Variants in HEMK2 observed in about 807,000 individuals in gnomAD.
HEMK2 encodes methyltransferase HEMK2.
At chr21:28,621,218 C>A in the HEMK2 span, among the ~76,000 whole-genome samples, 3 of 152,142 alleles carry the variant, frequency 2.0e-5, no homozygotes, top group African/African-American at 7.2e-5. Flanking sequence ...ATAAATTTCC[C>A]TCTAAACACT....
At chr21:28,697,921 G>A in the HEMK2 span, among the ~76,000 whole-genome samples, 1 of 152,124 alleles carries the variant, frequency 6.6e-6, no homozygotes, top group Non-Finnish European at 1.5e-5. Context: ...CAGTTCTGGA[G>A]GCTGGAAGTC....
At chr21:28,659,689 A>C in the HEMK2 span, among the ~76,000 whole-genome samples, 1 of 152,102 alleles carries the variant, frequency 6.6e-6, no homozygotes, top group Non-Finnish European at 1.5e-5. Context: ...TCTCATGCTT[A>C]GCCCAAAGGA....
At chr21:28,649,827 G>A in the HEMK2 span, among the ~76,000 whole-genome samples, 1 of 150,868 alleles carries the variant, frequency 6.6e-6, no homozygotes, top group Non-Finnish European at 1.5e-5. Context: ...TCAAGGCAAA[G>A]GAAACAGCTC....
the HEMK2 span, chr21:28,885,300 G>A: frequency 1.3e-6 from 2 of 1,589,366 alleles, no homozygotes; most frequent in South Asian, 2.2e-5. Flanking sequence ...AAGGCGCCGC[G>A]GCCCACGTGC....
At chr21:28,813,399 T>C in the HEMK2 span, among the ~76,000 whole-genome samples, 2 of 152,230 alleles carry the variant, frequency 1.3e-5, no homozygotes, top group South Asian at 4.2e-4. Flanking sequence ...TTACAAGGGA[T>C]GTGAACCAAT....
the HEMK2 span, among the ~76,000 whole-genome samples, chr21:28,685,833 A>G: frequency 6.6e-6 from 1 of 152,164 alleles, no homozygotes; most frequent in African/African-American, 2.4e-5. Flanking sequence ...AAACAGAAAC[A>G]GGGAATTGGT....
the HEMK2 span, among the ~76,000 whole-genome samples, chr21:28,747,272 G>A: frequency 6.6e-6 from 1 of 152,202 alleles, no homozygotes; most frequent in Non-Finnish European, 1.5e-5. Flanking sequence ...CCGGATGGAG[G>A]AGCCCATTCT....
the HEMK2 span, among the ~76,000 whole-genome samples, chr21:28,609,598 C>T: frequency 0.023 from 3,170 of 135,470 alleles, 147 homozygotes; most frequent in African/African-American, 0.083. Context: ...AGAAGGTTGA[C>T]TATTAAGCCA....
chr21:28,853,213 TC>T, the HEMK2 span, among the ~76,000 whole-genome samples: 1 of 152,306 alleles, frequency 6.6e-6, no homozygotes, highest in East Asian at 1.9e-4. Flanking sequence ...AGCCTTTGGA[TC>T]CCTTTCTTTA....
the HEMK2 span, among the ~76,000 whole-genome samples, chr21:28,794,735 C>A: frequency 6.6e-6 from 1 of 152,164 alleles, no homozygotes; most frequent in Admixed American, 6.5e-5. Context: ...GACAAATAAC[C>A]ACTGAAGAAC....
At chr21:28,661,861 A>G in the HEMK2 span, among the ~76,000 whole-genome samples, 1 of 152,200 alleles carries the variant, frequency 6.6e-6, no homozygotes, top group Admixed American at 6.6e-5. Flanking sequence ...CTAAATTTAC[A>G]TCTAAGTAAC....
At chr21:28,784,039 C>T in the HEMK2 span, among the ~76,000 whole-genome samples, 9,652 of 152,264 alleles carry the variant, frequency 0.063, 474 homozygotes, top group African/African-American at 0.14. Flanking sequence ...GAGCCTCCCC[C>T]CACGGCGGTG....
the HEMK2 span, among the ~76,000 whole-genome samples, chr21:28,603,526 GTATTATTTTAC>G: frequency 7.0e-6 from 1 of 142,718 alleles, no homozygotes; most frequent in African/African-American, 2.6e-5. Flanking sequence ...CTCTTCCACA[GTATTATTTTAC>G]TGAGGATATA....
the HEMK2 span, among the ~76,000 whole-genome samples, chr21:28,869,448 G>A: frequency 6.6e-6 from 1 of 151,984 alleles, no homozygotes; most frequent in Non-Finnish European, 1.5e-5. Context: ...ATCTGGTTTT[G>A]TTATCAAGGT....
At chr21:28,752,599 G>A in the HEMK2 span, among the ~76,000 whole-genome samples, 1 of 152,126 alleles carries the variant, frequency 6.6e-6, no homozygotes, top group African/African-American at 2.4e-5. Flanking sequence ...TTCCAGCTGT[G>A]GATACTGAGT....
the HEMK2 span, among the ~76,000 whole-genome samples, chr21:28,881,182 T>C: frequency 6.6e-6 from 1 of 152,234 alleles, no homozygotes; most frequent in Non-Finnish European, 1.5e-5. Context: ...TGTTTTTACC[T>C]ACTGAGGACC....
At chr21:28,578,974 A>C in the HEMK2 span, among the ~76,000 whole-genome samples, 1 of 152,228 alleles carries the variant, frequency 6.6e-6, no homozygotes, top group South Asian at 2.1e-4. Context: ...AAATTGTCTA[A>C]GAGTTGGAAA....
chr21:28,677,727 T>G, the HEMK2 span, among the ~76,000 whole-genome samples: 30,033 of 152,158 alleles, frequency 0.2, 3,181 homozygotes, highest in East Asian at 0.38. Context: ...GGCAGCAACA[T>G]TTGCTGTTCA....
chr21:28,747,212 G>C, the HEMK2 span, among the ~76,000 whole-genome samples: 1 of 152,216 alleles, frequency 6.6e-6, no homozygotes, highest in African/African-American at 2.4e-5. Flanking sequence ...GACCTGGGAG[G>C]AGAAAGTTTC....
Sources: allele counts gnomAD v4.1 joint callset (sites outside exome capture counted in the v4.1 genomes callset), GRCh38; gene constraint gnomAD v4.1.1; transcripts MANE v1.5; gene names NCBI Gene and HGNC (gene_info 2026-07-23, HGNC 2026-07-21).